Variants in SIPA1L1 observed in about 807,000 individuals in gnomAD.
SIPA1L1 encodes signal induced proliferation associated 1 like 1, also known as signal-induced proliferation-associated 1-like protein 1.
Under a neutral mutation model 162.7 loss-of-function variants are expected in SIPA1L1, and 26 were observed. The ratio of observed to expected loss-of-function variants is 0.16; its 90% CI spans 0.12 to 0.22. SIPA1L1 has a LOEUF of 0.22. SIPA1L1 is among the 10% of genes least tolerant of loss of function. The probability of loss-of-function intolerance (pLI) is 1.00; values close to 1 mark genes in which losing one functional copy is unlikely to be tolerated. For missense variants in SIPA1L1, 1,874 were observed against 2,241.0 expected (o/e 0.84, Z 3.31); for synonymous variants, 829 against 837.4 (o/e 0.99, Z 0.17).
At chr14:71,436,633 A>G (rs1333395206) in intron 2 of SIPA1L1, among the ~76,000 whole-genome samples, 1 of 151,842 alleles carries the variant, frequency 6.6e-6, no homozygotes, top group East Asian at 1.9e-4. Flanking sequence ...AAATTATTAT[A>G]TATTTATAAC....
intron 2 of SIPA1L1, among the ~76,000 whole-genome samples, chr14:71,391,015 C>CTA (rs904135901): frequency 3.3e-5 from 5 of 151,152 alleles, no homozygotes; most frequent in African/African-American, 1.2e-4. Context: ...GGAATAGACA[C>CTA]TATACTAAGA....
intron 2 of SIPA1L1, among the ~76,000 whole-genome samples, chr14:71,413,259 C>T (rs1296007703): frequency 5.9e-5 from 9 of 152,150 alleles, no homozygotes; most frequent in Non-Finnish European, 1.3e-4. Flanking sequence ...AATAGTGATT[C>T]CCATAGGCAT....
rs181583428 is a variant in SIPA1L1, at chr14:71,391,701, G to A, written c.-465+70520G>A. On this transcript the variant is annotated intron_variant, in intron 2 of 23. Transcript: ENST00000381232. ...AGAGAACATGGGGGTTCTTTTTGTCGTCTTCTGACCAACTAGAGTACATTC... is the reference window on the plus strand; with the variant it reads ...AGAGAACATGGGGGTTCTTTTTGTCATCTTCTGACCAACTAGAGTACATTC... 5.3e-4 allele frequency among the ~76,000 whole-genome samples: 80 copies of A among 152,224 alleles called. 2 individuals are homozygous for A. The highest frequency in any genetic ancestry group is 1.7e-3 in the African/African-American group (71 of 41,538).
At chr14:71,396,535 G>A (rs950232688) in intron 2 of SIPA1L1, among the ~76,000 whole-genome samples, 13 of 152,116 alleles carry the variant, frequency 8.5e-5, no homozygotes, top group African/African-American at 2.7e-4. Context: ...AGATCAGTCC[G>A]TTAATCTTTA....
intron 4 of SIPA1L1, among the ~76,000 whole-genome samples, chr14:71,566,521 G>T (rs1042207833): frequency 6.6e-5 from 10 of 152,142 alleles, no homozygotes; most frequent in African/African-American, 2.4e-4. Context: ...TTAGCACACG[G>T]AGAGAGAAAT....
intron 2 of SIPA1L1, among the ~76,000 whole-genome samples, chr14:71,395,996 C>T (rs1294407347): frequency 6.6e-6 from 1 of 152,078 alleles, no homozygotes; most frequent in Non-Finnish European, 1.5e-5. Context: ...GAGCTCATGC[C>T]TTTTACACTC....
chr14:71,414,533 A>T (rs1414779235), intron 2 of SIPA1L1, among the ~76,000 whole-genome samples: 1 of 152,240 alleles, frequency 6.6e-6, no homozygotes, highest in East Asian at 1.9e-4. Context: ...AGTTTTAGTC[A>T]TTGATTTCTG....
At chr14:71,626,639 T>C (rs2040016546) in intron 7 of SIPA1L1, among the ~76,000 whole-genome samples, 1 of 152,228 alleles carries the variant, frequency 6.6e-6, no homozygotes, top group Non-Finnish European at 1.5e-5. Flanking sequence ...TTTCCATCTG[T>C]GTCGTCATAT....
At chr14:71,552,667 A>T (rs2055971021) in intron 4 of SIPA1L1, among the ~76,000 whole-genome samples, 1 of 151,566 alleles carries the variant, frequency 6.6e-6, no homozygotes, top group Non-Finnish European at 1.5e-5. Flanking sequence ...GAGTGCTGGG[A>T]TCCTGTTTCT....
chr14:71,422,217 ATGT>A (rs1432787863), intron 2 of SIPA1L1, among the ~76,000 whole-genome samples: 4 of 152,172 alleles, frequency 2.6e-5, no homozygotes, highest in African/African-American at 4.8e-5. Flanking sequence ...TTCATTTATG[ATGT>A]TATAATTATC....
chr14:71,641,465 G>A (rs946878554), intron 7 of SIPA1L1, among the ~76,000 whole-genome samples: 38 of 152,302 alleles, frequency 2.5e-4, no homozygotes, highest in Admixed American at 8.5e-4. Flanking sequence ...GCTCATGCCT[G>A]TAATCCCAGC....
intron 4 of SIPA1L1, among the ~76,000 whole-genome samples, chr14:71,543,037 C>T (rs887964834): frequency 6.6e-6 from 1 of 151,756 alleles, no homozygotes; most frequent in Admixed American, 6.6e-5. Flanking sequence ...TGCACTTACT[C>T]CTCCTTCCTC....
chr14:71,351,610 G>A (rs2036714568), intron 2 of SIPA1L1, among the ~76,000 whole-genome samples: 1 of 108,464 alleles, frequency 9.2e-6, no homozygotes, highest in Non-Finnish European at 2.1e-5. Flanking sequence ...TTCCTAATAC[G>A]GTTTATTATT....
At chr14:71,419,481 T>TC (rs1191139844) in intron 2 of SIPA1L1, among the ~76,000 whole-genome samples, 12 of 103,250 alleles carry the variant, frequency 1.2e-4, no homozygotes, top group African/African-American at 2.8e-4. Flanking sequence ...AGGATCTCTC[T>TC]TTTTTTTTTT....
In SIPA1L1 at chr14:71,540,359, G is replaced by A. The variant is rs182462089; in HGVS notation, c.-303+10989G>A. ...CAAAGGCTGATAGAACTGATTCACA[G>A]AATTTGTTTTTAGGAATTTTGGATT... On this transcript the variant is annotated intron_variant, in intron 4 of 23. Transcript: ENST00000381232. Among the ~76,000 whole-genome samples, 4 of 152,274 alleles carry A rather than the reference G, an allele frequency of 2.6e-5. No individual in the cohort carries two copies. In the East Asian group the frequency reaches 5.8e-4, roughly 22 times the overall value.
intron 5 of SIPA1L1, among the ~76,000 whole-genome samples, chr14:71,604,874 T>A (rs902872274): frequency 2.0e-5 from 3 of 152,134 alleles, no homozygotes; most frequent in Non-Finnish European, 4.4e-5. Flanking sequence ...GACCCTTTTT[T>A]ATTGTTTCTG....
At position 71,340,805 on chromosome 14, in the gene SIPA1L1, G is replaced by T. The variant is rs74450760; in HGVS notation, c.-465+19624G>T. Among the ~76,000 whole-genome samples the T allele has an allele frequency of 8.1e-4, 124 of 152,286 alleles. 2 individuals carry two copies. The East Asian group carries it at 0.023, about 29-fold the overall frequency. On this transcript the variant is annotated intron_variant, in intron 2 of 23. Transcript: ENST00000381232. ...ATACAAAAAATTAGCCAGGCATGGTGGTGCATGCCTGTAGTCCCAGCTTTT... is the reference window on the plus strand; with the variant it reads ...ATACAAAAAATTAGCCAGGCATGGTTGTGCATGCCTGTAGTCCCAGCTTTT...
intron 2 of SIPA1L1, among the ~76,000 whole-genome samples, chr14:71,329,128 G>T (rs534837563): frequency 4.3e-4 from 65 of 152,288 alleles, no homozygotes; most frequent in South Asian, 1.9e-3. Context: ...AGGTTTAATA[G>T]TATTCCGTCG....
intron 2 of SIPA1L1, among the ~76,000 whole-genome samples, chr14:71,406,588 TG>T (rs34674670): frequency 0.16 from 24,817 of 152,112 alleles, 2,636 homozygotes; most frequent in Middle Eastern, 0.34. Context: ...TAGATTACCT[TG>T]GGGGGATTTA....
Sources: allele counts gnomAD v4.1 joint callset (sites outside exome capture counted in the v4.1 genomes callset), GRCh38; gene constraint gnomAD v4.1.1; transcripts MANE v1.5; gene names NCBI Gene and HGNC (gene_info 2026-07-23, HGNC 2026-07-21).